The following ESRRG variants were observed in gnomAD, a reference collection of about 807,000 sequenced individuals.
ESRRG encodes the protein estrogen related receptor gamma, also known as estrogen-related receptor gamma.
A neutral mutation model predicts 44.0 loss-of-function variants in ESRRG; 13 were observed. The ratio of observed to expected loss-of-function variants is 0.30; its 90% CI spans 0.19 to 0.47. The LOEUF is 0.47. Ranked by LOEUF, ESRRG falls within the 20% of genes least tolerant of loss-of-function variation. ESRRG has a pLI of 1.00. For synonymous variants in ESRRG, 215 were observed against 214.6 expected (o/e 1.00, Z -0.02); for missense variants, 395 against 580.6 (o/e 0.68, Z 3.29).
chr1:216,744,001 C>T (rs78476608), intron 2 of ESRRG, among the ~76,000 whole-genome samples: 8,700 of 152,198 alleles, frequency 0.057, 315 homozygotes, highest in African/African-American at 0.092. Flanking sequence ...CCTCTGGACA[C>T]GGTGCCACAT....
At chr1:216,788,551 G>A (rs2094207658) in intron 2 of ESRRG, among the ~76,000 whole-genome samples, 1 of 152,132 alleles carries the variant, frequency 6.6e-6, no homozygotes, top group Non-Finnish European at 1.5e-5. Context: ...CAGGAGGTCT[G>A]ATGGAGATGG....
At chr1:216,600,957 A>G (rs2059141069) in intron 3 of ESRRG, among the ~76,000 whole-genome samples, 1 of 152,176 alleles carries the variant, frequency 6.6e-6, no homozygotes, top group South Asian at 2.1e-4. Context: ...ACTGTTGATG[A>G]TAAAATAGCA....
At chr1:216,702,460 A>T (rs1344957501) in intron 1 of ESRRG, among the ~76,000 whole-genome samples, 1 of 152,060 alleles carries the variant, frequency 6.6e-6, no homozygotes, top group African/African-American at 2.4e-5. Flanking sequence ...GGATAAAGTA[A>T]GTTATTAGAT....
chr1:216,554,481 C>T lies in ESRRG; in HGVS notation c.862+9738G>A, dbSNP rs889977035. ...AAAAAAAAAACAAACCAAAGAAAAA[C>T]TCATTTGAGCTGAGTGCAGTGGCTT... is the stretch of plus-strand genomic sequence containing the variant. On this transcript the variant is annotated intron_variant, in intron 5 of 6. Coordinates refer to ENST00000408911, the MANE Select transcript of ESRRG (RefSeq NM_001438.4). Among the ~76,000 whole-genome samples the T allele has an allele frequency of 8.6e-5, 13 of 150,624 alleles. No homozygotes were observed. The Middle Eastern group carries it at 0.01, about 121-fold the overall frequency.
At chr1:216,794,278 C>T (rs184977252) in intron 2 of ESRRG, among the ~76,000 whole-genome samples, 1 of 152,272 alleles carries the variant, frequency 6.6e-6, no homozygotes, top group Non-Finnish European at 1.5e-5. Flanking sequence ...AGTATTTACA[C>T]TCATTATGAG....
chr1:216,745,595 CT>C (rs1480834845), intron 2 of ESRRG, among the ~76,000 whole-genome samples: 1 of 152,144 alleles, frequency 6.6e-6, no homozygotes, highest in East Asian at 1.9e-4. Flanking sequence ...GAGGTTCCCC[CT>C]GCCCCCTCCT....
intron 2 of ESRRG, among the ~76,000 whole-genome samples, chr1:216,882,902 T>G (rs2096466216): frequency 6.6e-6 from 1 of 152,128 alleles, no homozygotes; most frequent in Non-Finnish European, 1.5e-5. Context: ...CACTCTTTTA[T>G]TTTAAGAGTC....
chr1:217,136,568 C>A (rs1292018588), intron 1 of ESRRG, among the ~76,000 whole-genome samples: 1 of 152,146 alleles, frequency 6.6e-6, no homozygotes, highest in African/African-American at 2.4e-5. Context: ...TCACCCCGCA[C>A]GCCCTCACCC....
intron 1 of ESRRG, among the ~76,000 whole-genome samples, chr1:217,106,104 T>C (rs879229725): frequency 6.6e-6 from 1 of 152,158 alleles, no homozygotes; most frequent in Non-Finnish European, 1.5e-5. Context: ...AGTTCTTTCT[T>C]CCAAAAATGA....
chr1:216,569,111 A>AGGAAGGAAGGAAGGAAGGAAGGAGGAAG (rs1553355981), intron 3 of ESRRG, among the ~76,000 whole-genome samples: 2 of 104,468 alleles, frequency 1.9e-5, no homozygotes, highest in South Asian at 7.9e-4. Flanking sequence ...GAAGGAAGGA[A>AGGAAGGAAGGAAGGAAGGAAGGAGGAAG]GAAGGAAGGA....
At chr1:217,021,818 C>T (rs945387381) in intron 1 of ESRRG, among the ~76,000 whole-genome samples, 2 of 152,188 alleles carry the variant, frequency 1.3e-5, no homozygotes, top group African/African-American at 4.8e-5. Flanking sequence ...AATATTGTTC[C>T]TTCGACATCG....
chr1:216,607,334 T>C lies in ESRRG; in HGVS notation c.590-39236A>G, dbSNP rs2060064453. Among the ~76,000 whole-genome samples the C allele has an allele frequency of 2.0e-5, 3 of 152,180 alleles. No individual in the cohort carries two copies. In the South Asian group the frequency reaches 6.2e-4, roughly 31 times the overall value. ...ACCATCATGACCTCTCTGTCACTTGTTTACATTTATTATGTAGACAAGCAA... is the reference window on the plus strand; with the variant it reads ...ACCATCATGACCTCTCTGTCACTTGCTTACATTTATTATGTAGACAAGCAA... On this transcript the variant is annotated intron_variant, in intron 3 of 6. Transcript: ENST00000408911.
chr1:216,543,768 C>T (rs1270242279), intron 5 of ESRRG, among the ~76,000 whole-genome samples: 1 of 151,892 alleles, frequency 6.6e-6, no homozygotes, highest in East Asian at 1.9e-4. Context: ...TTATGTTTAA[C>T]ACGATAATGA....
chr1:216,617,137 C>T (rs1001126668), intron 3 of ESRRG, among the ~76,000 whole-genome samples: 3 of 152,064 alleles, frequency 2.0e-5, no homozygotes, highest in Non-Finnish European at 2.9e-5. Context: ...TTTACCCTAA[C>T]GATTTCCCAG....
chr1:217,105,158 A>G (rs2092572734), intron 1 of ESRRG, among the ~76,000 whole-genome samples: 1 of 152,196 alleles, frequency 6.6e-6, no homozygotes. Context: ...ATATTATGTC[A>G]TGATCACCCT....
intron 2 of ESRRG, among the ~76,000 whole-genome samples, chr1:216,915,687 T>C (rs2061074275): frequency 6.6e-6 from 1 of 152,196 alleles, no homozygotes; most frequent in African/African-American, 2.4e-5. Flanking sequence ...CTGCATCTAC[T>C]GAAGACAGTC....
chr1:216,689,842 T>C (rs568582801), intron 1 of ESRRG, among the ~76,000 whole-genome samples: 1 of 150,510 alleles, frequency 6.6e-6, no homozygotes, highest in East Asian at 1.9e-4. Context: ...AATGTGCTAA[T>C]TCTGATATCT....
At chr1:216,953,187 A>G (rs563794748) in intron 1 of ESRRG, among the ~76,000 whole-genome samples, 84 of 152,230 alleles carry the variant, frequency 5.5e-4, no homozygotes, top group Non-Finnish European at 8.5e-4. Flanking sequence ...TTATCCATCC[A>G]TCTCGTTCAC....
intron 1 of ESRRG, among the ~76,000 whole-genome samples, chr1:216,991,086 A>G (rs761872862): frequency 6.6e-6 from 1 of 151,908 alleles, no homozygotes; most frequent in South Asian, 2.1e-4. Flanking sequence ...AGAAGCATGA[A>G]CCCTATTATG....
Sources: gnomAD v4.1 joint callset for allele counts (sites outside exome capture counted in the v4.1 genomes callset) on GRCh38, gnomAD v4.1.1 for gene constraint, MANE v1.5 for transcripts, NCBI Gene and HGNC (gene_info 2026-07-23, HGNC 2026-07-21) for gene names.